The following RIMS2 variants were observed in gnomAD, a reference collection of about 807,000 sequenced individuals.
The protein encoded by RIMS2 is regulating synaptic membrane exocytosis protein 2.
In RIMS2, 59 loss-of-function variants were observed where a neutral mutation model predicts 174.4. The observed-to-expected ratio is 0.34, with a 90% CI of 0.27 to 0.42. The LOEUF is 0.42. Among genes scored for constraint, RIMS2 ranks in the 10% least tolerant of loss-of-function variants. RIMS2 has a pLI of 1.00. For synonymous variants in RIMS2, 606 were observed against 572.5 expected (o/e 1.06, Z -0.84); for missense variants, 1,620 against 1,666.3 (o/e 0.97, Z 0.48).
downstream of RIMS2, chr8:104,252,806 T>C (rs576575505): frequency 1.3e-5 from 2 of 152,332 alleles, no homozygotes; most frequent in South Asian, 4.1e-4. Context: ...AAGTTCAATA[T>C]GTGCAAATTT....
chr8:104,193,780 A>G (rs2099009928), intron 19 of RIMS2, among the ~76,000 whole-genome samples: 1 of 152,182 alleles, frequency 6.6e-6, no homozygotes, highest in Admixed American at 6.5e-5. Context: ...TCAATCTTTC[A>G]GTGTGATCTA....
intron 2 of RIMS2, among the ~76,000 whole-genome samples, chr8:103,697,712 A>C (rs1285412920): frequency 6.6e-6 from 1 of 152,108 alleles, no homozygotes; most frequent in Non-Finnish European, 1.5e-5. Context: ...TGGGTGACAG[A>C]GTGAAACCTT....
At chr8:103,998,092 T>C (rs1273550751) in intron 17 of RIMS2, 1 of 928,706 alleles carries the variant, frequency 1.1e-6, no homozygotes. Flanking sequence ...TGTCTGCCTA[T>C]CTTTTAAAAT....
chr8:103,825,281 G>A (rs544264720), intron 3 of RIMS2, among the ~76,000 whole-genome samples: 1 of 151,628 alleles, frequency 6.6e-6, no homozygotes, highest in South Asian at 2.1e-4. Context: ...TTATTTATTT[G>A]TTTGTTTTTA....
intron 16 of RIMS2, among the ~76,000 whole-genome samples, chr8:103,986,969 C>T (rs1260724937): frequency 6.6e-5 from 10 of 151,744 alleles, no homozygotes; most frequent in Admixed American, 6.6e-4. Context: ...CCGCCATCCA[C>T]CCATAAAGAG....
At chr8:103,606,495 G>C (rs1330686062) in intron 1 of RIMS2, among the ~76,000 whole-genome samples, 1 of 152,200 alleles carries the variant, frequency 6.6e-6, no homozygotes, top group African/African-American at 2.4e-5. Flanking sequence ...GTGGTGGAGA[G>C]TTCTGTAGAT....
rs1237468372 is a variant in RIMS2 at position 103,885,845 on chromosome 8, C to T, written c.1246C>T (p.Arg416Ter). 6.2e-7 allele frequency: 1 copy of T among 1,612,842 alleles called. No homozygotes were observed. The highest frequency in any genetic ancestry group is 8.5e-7 in the Non-Finnish European group (1 of 1,179,398). Reference sequence around the variant, plus strand: ...GCGATCTTATTCAATGGAAAGAACTCGAGAGGCTCAGGGACCAAGTTCTTA... The same window carrying T: ...GCGATCTTATTCAATGGAAAGAACTTGAGAGGCTCAGGGACCAAGTTCTTA... The change falls in exon 4 of 24, where the codon CGA becomes TGA. Residue 416 changes from arginine to a stop codon, truncating the protein, a stop_gained. Coordinates refer to ENST00000504942, the Ensembl canonical transcript of RIMS2. LOFTEE classifies it high-confidence loss of function.
intron 17 of RIMS2, among the ~76,000 whole-genome samples, chr8:104,006,330 A>G (rs557587490): frequency 6.6e-6 from 1 of 152,150 alleles, no homozygotes; most frequent in South Asian, 2.1e-4. Flanking sequence ...TGGGCGGATC[A>G]CCTTGAGGTC....
chr8:103,595,130 T>G (rs1244809260), intron 1 of RIMS2, among the ~76,000 whole-genome samples: 1 of 151,978 alleles, frequency 6.6e-6, no homozygotes, highest in East Asian at 1.9e-4. Context: ...ATGTAATTCT[T>G]ATTGTGGAAA....
At chr8:103,787,338 C>T (rs367898631) in intron 3 of RIMS2, among the ~76,000 whole-genome samples, 18,602 of 151,228 alleles carry the variant, frequency 0.12, 1,163 homozygotes, top group Middle Eastern at 0.22. Context: ...TTATTTTGCT[C>T]GTTAGTTGAT....
At chr8:103,583,476 T>C (rs1459312436) in intron 1 of RIMS2, among the ~76,000 whole-genome samples, 1 of 152,152 alleles carries the variant, frequency 6.6e-6, no homozygotes, top group Non-Finnish European at 1.5e-5. Context: ...GAGAAATATA[T>C]GTGACATTTC....
chr8:103,593,809 TA>T (rs1383851168), intron 1 of RIMS2, among the ~76,000 whole-genome samples: 1 of 151,294 alleles, frequency 6.6e-6, no homozygotes, highest in Non-Finnish European at 1.5e-5. Context: ...TTATTATTAA[TA>T]ATTAAAAATC....
At chr8:103,762,610 C>T (rs1354725626) in intron 2 of RIMS2, among the ~76,000 whole-genome samples, 1 of 152,118 alleles carries the variant, frequency 6.6e-6, no homozygotes, top group Non-Finnish European at 1.5e-5. Context: ...TAATTCAATA[C>T]CGTCGCCAAT....
At chr8:103,793,438 A>T (rs1299413137) in intron 3 of RIMS2, among the ~76,000 whole-genome samples, 2 of 152,192 alleles carry the variant, frequency 1.3e-5, no homozygotes, top group Non-Finnish European at 1.5e-5. Context: ...TCTCAAAATA[A>T]TAAGAGCTGT....
At chr8:104,247,483 T>C (rs527538168) in intron 20 of RIMS2, among the ~76,000 whole-genome samples, 1 of 152,276 alleles carries the variant, frequency 6.6e-6, no homozygotes, top group African/African-American at 2.4e-5. Flanking sequence ...TTTAACCTTC[T>C]CTCTTTAAAG....
chr8:103,578,771 G>A (rs1197917125), intron 1 of RIMS2, among the ~76,000 whole-genome samples: 3 of 152,040 alleles, frequency 2.0e-5, no homozygotes, highest in Admixed American at 1.3e-4. Flanking sequence ...GGAGGCCAAG[G>A]CAGGCTTATC....
chr8:103,636,667 G>A (rs763963905), intron 1 of RIMS2, among the ~76,000 whole-genome samples: 6 of 151,942 alleles, frequency 3.9e-5, no homozygotes, highest in Admixed American at 6.6e-5. Context: ...GGATGTTATC[G>A]TCGAAGGTGT....
intron 19 of RIMS2, among the ~76,000 whole-genome samples, chr8:104,052,623 G>GATAATGATTA (rs1555178945): frequency 3.3e-5 from 5 of 152,180 alleles, no homozygotes; most frequent in African/African-American, 1.2e-4. Flanking sequence ...TCTAGGTATT[G>GATAATGATTA]TAGATATTCA....
chr8:103,814,385 A>C (rs144024564), intron 3 of RIMS2, among the ~76,000 whole-genome samples: 1 of 152,172 alleles, frequency 6.6e-6, no homozygotes, highest in African/African-American at 2.4e-5. Flanking sequence ...ACATACCTGC[A>C]CATGTACCCC....
Sources: allele counts gnomAD v4.1 joint callset (sites outside exome capture counted in the v4.1 genomes callset), GRCh38; gene constraint gnomAD v4.1.1; transcripts MANE v1.5; gene names NCBI Gene and HGNC (gene_info 2026-07-23, HGNC 2026-07-21).